FAM72D: variants seen among roughly 807,000 people sequenced by gnomAD.
The protein encoded by FAM72D is protein FAM72D.
For missense variants in FAM72D, 9 were observed against 104.7 expected (o/e 0.09, Z 3.99); for synonymous variants, 4 against 35.1 (o/e 0.11, Z 3.13).
rs1220310547 is a variant in FAM72D, at chr1:145,105,600, G to A, written c.355+2469G>A. On this transcript the variant is annotated intron_variant, in intron 3 of 3. Coordinates refer to ENST00000400889, the MANE Select transcript of FAM72D (RefSeq NM_207418.3). ...GAATCACTTGAACCCAGGAGGTGGA[G>A]TTTGAAGTGAGCCGAGATCGCACCA... Among the ~76,000 whole-genome samples the A allele has an allele frequency of 2.7e-5, 4 of 147,904 alleles. 1 individual carries two copies. Among genetic ancestry groups the A allele is most frequent in the African/African-American group, 1.0e-4 (4 of 39,470 alleles).
upstream of FAM72D, chr1:145,094,958 G>T: frequency 6.5e-7 from 1 of 1,540,992 alleles, no homozygotes; most frequent in Non-Finnish European, 8.7e-7. Context: ...TGCCGGCTGC[G>T]CTGCGGTCCG....
intron 2 of FAM72D, among the ~76,000 whole-genome samples, chr1:145,101,141 C>T (rs1654691168): frequency 6.9e-6 from 1 of 145,460 alleles, no homozygotes; most frequent in Admixed American, 6.8e-5. Flanking sequence ...GGGGTTTCGC[C>T]ATGTTGGCCA....
chr1:145,097,026 G>A, intron 1 of FAM72D, 27 bp downstream of exon 1: 1 of 628,480 alleles, frequency 1.6e-6, no homozygotes, highest in Non-Finnish European at 2.7e-6. Flanking sequence ...GCGGGCAACG[G>A]TAGCTTTTAA....
intron 3 of FAM72D, among the ~76,000 whole-genome samples, chr1:145,105,835 C>G (rs1654896854): frequency 7.1e-6 from 1 of 141,392 alleles, no homozygotes; most frequent in Non-Finnish European, 1.5e-5. Context: ...GCCTATAATC[C>G]CAGCTACTTG....
At chr1:145,101,977 G>T (rs1443916439) in intron 2 of FAM72D, among the ~76,000 whole-genome samples, 12 of 113,674 alleles carry the variant, frequency 1.1e-4, no homozygotes, top group Non-Finnish European at 1.8e-4. Flanking sequence ...ACAACTCAAG[G>T]TATAAACAGT....
chr1:145,100,551 G>T (rs1553637833), intron 2 of FAM72D, among the ~76,000 whole-genome samples: 2 of 141,766 alleles, frequency 1.4e-5, no homozygotes, highest in African/African-American at 2.7e-5. Flanking sequence ...GAGTGCAGTG[G>T]CACGATCTCA....
intron 2 of FAM72D, among the ~76,000 whole-genome samples, chr1:145,100,900 T>C (rs1553637889): frequency 6.8e-6 from 1 of 147,470 alleles, no homozygotes; most frequent in Non-Finnish European, 1.5e-5. Flanking sequence ...CCTCCCAAAG[T>C]GTGAGATTAC....
chr1:145,101,977 G>A (rs1443916439), intron 2 of FAM72D, among the ~76,000 whole-genome samples: 2 of 113,706 alleles, frequency 1.8e-5, no homozygotes, highest in South Asian at 5.5e-4. Flanking sequence ...ACAACTCAAG[G>A]TATAAACAGT....
intron 3 of FAM72D, among the ~76,000 whole-genome samples, chr1:145,105,690 C>T (rs1250112903): frequency 4.6e-5 from 7 of 150,788 alleles, no homozygotes; most frequent in East Asian, 3.9e-4. Flanking sequence ...CGGTGGCTCA[C>T]GCCTGTAATC....
rs1247009614 is a variant in FAM72D at position 145,105,988 on chromosome 1, T to C, written c.355+2857T>C. On this transcript the variant is annotated intron_variant, in intron 3 of 3. Coordinates refer to ENST00000400889, the MANE Select transcript of FAM72D (RefSeq NM_207418.3). ...AAAAGAAAAGAAAAGAAAAATCTGT[T>C]GTTTAGTGTAGCCACCTTCATCCAT... 8.7e-5 allele frequency among the ~76,000 whole-genome samples: 13 copies of C among 148,732 alleles called. 1 individual carries two copies. The highest frequency in any genetic ancestry group is 3.0e-4 in the African/African-American group (12 of 40,244).
intron 3 of FAM72D, among the ~76,000 whole-genome samples, chr1:145,105,603 T>G (rs1290797528): frequency 6.8e-6 from 1 of 146,844 alleles, no homozygotes; most frequent in Non-Finnish European, 1.5e-5. Flanking sequence ...AGGTGGAGTT[T>G]GAAGTGAGCC....
At chr1:145,107,188 TAA>T (rs71270755) in intron 3 of FAM72D, among the ~76,000 whole-genome samples, 1 of 141,106 alleles carries the variant, frequency 7.1e-6, no homozygotes, top group African/African-American at 2.9e-5. Context: ...CCAATTCTTT[TAA>T]AAAAAAAAAT....
At chr1:145,107,174 A>G (rs1405060152) in intron 3 of FAM72D, among the ~76,000 whole-genome samples, 1 of 148,282 alleles carries the variant, frequency 6.7e-6, no homozygotes, top group African/African-American at 2.5e-5. Flanking sequence ...AAGAAAGTAC[A>G]CTACCAATTC....
intron 3 of FAM72D, among the ~76,000 whole-genome samples, chr1:145,105,994 G>T (rs1206469594): frequency 1.4e-5 from 2 of 146,598 alleles, no homozygotes; most frequent in African/African-American, 5.1e-5. Flanking sequence ...CTGTTGTTTA[G>T]TGTAGCCACC....
At chr1:145,105,395 C>T (rs1248232039) in intron 3 of FAM72D, among the ~76,000 whole-genome samples, 2 of 78,930 alleles carry the variant, frequency 2.5e-5, no homozygotes, top group Admixed American at 1.4e-4. Context: ...AAATCTCTGC[C>T]GGATGCAGTG....
At chr1:145,104,269 G>T (rs1654843261) in intron 3 of FAM72D, among the ~76,000 whole-genome samples, 1 of 142,690 alleles carries the variant, frequency 7.0e-6, no homozygotes, top group South Asian at 2.2e-4. Flanking sequence ...ACTGCAAACT[G>T]ATCAGGGTGG....
Position 145,097,083 on chromosome 1 carries a change from G to C in FAM72D, c.152+84G>C, listed in dbSNP as rs587644573. 1.7e-5 allele frequency: 16 copies of C among 924,806 alleles called. No individual in the cohort carries two copies. In the East Asian group the frequency reaches 3.6e-4, roughly 21 times the overall value. The allele number at this position is 924,806 out of a possible 1,614,324, so 57.3% of individuals were successfully genotyped here. A position where few individuals can be genotyped will look rare whatever the true frequency, so the allele number is the denominator to read the frequency against. On this transcript the variant is annotated intron_variant, in intron 1 of 3. Coordinates refer to ENST00000400889, the MANE Select transcript of FAM72D (RefSeq NM_207418.3). ...TTGGATCTGTGGGAGTCAACAAGGAGGTTATCATTTCGGTGTTTCAGCCAC... is the reference window on the plus strand; with the variant it reads ...TTGGATCTGTGGGAGTCAACAAGGACGTTATCATTTCGGTGTTTCAGCCAC...
intron 2 of FAM72D, among the ~76,000 whole-genome samples, chr1:145,100,544 T>G (rs2102539283): frequency 7.1e-6 from 1 of 141,378 alleles, no homozygotes; most frequent in South Asian, 2.3e-4. Flanking sequence ...CAGGCTAGAG[T>G]GCAGTGGCAC....
At chr1:145,102,864 C>G (rs1173756227) in intron 2 of FAM72D, 143 bp from the exon 3 acceptor site, 3 of 190,372 alleles carry the variant, frequency 1.6e-5, no homozygotes, top group African/African-American at 9.5e-5. Context: ...GAACTGCACC[C>G]CCATCCCATC....
Sources: gnomAD v4.1 joint callset for allele counts (sites outside exome capture counted in the v4.1 genomes callset) on GRCh38, gnomAD v4.1.1 for gene constraint, MANE v1.5 for transcripts, NCBI Gene and HGNC (gene_info 2026-07-23, HGNC 2026-07-21) for gene names.